ARHGEF10L: variants seen among roughly 807,000 people sequenced by gnomAD.
ARHGEF10L encodes rho guanine nucleotide exchange factor 10-like protein.
ARHGEF10L carries 69 observed loss-of-function variants against 141.2 expected under a neutral mutation model. The ratio of observed to expected loss-of-function variants is 0.49; its 90% CI spans 0.40 to 0.60. ARHGEF10L has a LOEUF of 0.60. Among genes scored for constraint, ARHGEF10L ranks in the 20% least tolerant of loss-of-function variants. ARHGEF10L has a pLI of 0.00. For synonymous variants in ARHGEF10L, 711 were observed against 718.5 expected (o/e 0.99, Z 0.17); for missense variants, 1,482 against 1,734.3 (o/e 0.85, Z 2.58).
intron 1 of ARHGEF10L, among the ~76,000 whole-genome samples, chr1:17,542,444 G>T (rs2076764610): frequency 2.0e-5 from 3 of 152,198 alleles, no homozygotes; most frequent in Admixed American, 6.5e-5. Context: ...GGGAGACCCT[G>T]TCTTAATTAT....
chr1:17,624,129 G>T (rs893059780), intron 12 of ARHGEF10L, among the ~76,000 whole-genome samples: 19 of 152,184 alleles, frequency 1.2e-4, no homozygotes, highest in African/African-American at 4.1e-4. Context: ...GGAGGCGAAG[G>T]TCCCCTGGGC....
At chr1:17,686,595 G>T (rs552725916) in intron 26 of ARHGEF10L, among the ~76,000 whole-genome samples, 98 of 152,152 alleles carry the variant, frequency 6.4e-4, no homozygotes, top group Non-Finnish European at 1.0e-3. Context: ...AGGACAGTTC[G>T]GGGGGGCAGT....
chr1:17,656,123 G>A lies in ARHGEF10L; in HGVS notation c.2705+21G>A. Reference sequence around the variant, plus strand: ...GGCAGGTGAGGGGCCCGGAAGGAGGGGTGAGAGCAGCCTCTGCAGGGCTGG... The same window carrying A: ...GGCAGGTGAGGGGCCCGGAAGGAGGAGTGAGAGCAGCCTCTGCAGGGCTGG... On this transcript the variant is annotated intron_variant, in intron 24 of 28. Transcript: ENST00000361221. This position sits in a 1 kb window ranked among gnomAD's most constrained non-coding sequence, Gnocchi z 4.9. 1.3e-6 allele frequency: 2 copies of A among 1,548,632 alleles called. No individual in the cohort carries two copies. The highest frequency in any genetic ancestry group is 2.4e-5 in the South Asian group (2 of 83,966).
chr1:17,653,438 C>A (rs1333769283), intron 22 of ARHGEF10L, among the ~76,000 whole-genome samples: 1 of 152,218 alleles, frequency 6.6e-6, no homozygotes, highest in African/African-American at 2.4e-5. Context: ...GACATCAGGG[C>A]CCACTGGAGT....
intron 4 of ARHGEF10L, among the ~76,000 whole-genome samples, chr1:17,599,949 C>T (rs992328285): frequency 2.0e-5 from 3 of 152,226 alleles, no homozygotes; most frequent in African/African-American, 2.4e-5. Context: ...TCAATAGCCA[C>T]GTGGCTGGTG....
chr1:17,557,596 G>A (rs1367286104), intron 1 of ARHGEF10L, among the ~76,000 whole-genome samples: 1 of 152,134 alleles, frequency 6.6e-6, no homozygotes, highest in African/African-American at 2.4e-5. Context: ...AGCAGATCTC[G>A]GCTGGGACCG....
At chr1:17,534,591 A>AT in the ARHGEF10L span, among the ~76,000 whole-genome samples, 5,813 of 125,016 alleles carry the variant, frequency 0.046, 312 homozygotes, top group African/African-American at 0.14. Context: ...CCATTTTCTG[A>AT]TTTTTTTTTT....
In ARHGEF10L at chr1:17,572,878, A is replaced by T. The variant is rs7555665; in HGVS notation, c.-43-7675A>T. ...GGGTCACAGATTCCCCAAAGGTTGT[A>T]CCTCAGCTTGGCCCCCTGGAGGCTT... On this transcript the variant is annotated intron_variant, in intron 1 of 28. Coordinates refer to ENST00000361221, the MANE Select transcript of ARHGEF10L (RefSeq NM_018125.4). Among the ~76,000 whole-genome samples, 488 of 151,970 alleles carry T rather than the reference A, an allele frequency of 3.2e-3. 2 individuals are homozygous for T. The highest frequency in any genetic ancestry group is 0.011 in the African/African-American group (450 of 41,460).
At chr1:17,642,349 G>A (rs1460421188) in intron 21 of ARHGEF10L, among the ~76,000 whole-genome samples, 1 of 152,224 alleles carries the variant, frequency 6.6e-6, no homozygotes, top group East Asian at 1.9e-4. Flanking sequence ...AGCCCAGAGT[G>A]GCCAGCACTG....
intron 25 of ARHGEF10L, among the ~76,000 whole-genome samples, chr1:17,658,571 G>C (rs191528533): frequency 5.9e-5 from 9 of 152,242 alleles, no homozygotes; most frequent in African/African-American, 2.2e-4. Flanking sequence ...GGGTCTGAAG[G>C]CTGAGATGTT....
At chr1:17,674,143 TTC>T (rs1278992666) in intron 26 of ARHGEF10L, among the ~76,000 whole-genome samples, 1 of 152,188 alleles carries the variant, frequency 6.6e-6, no homozygotes. Flanking sequence ...TTGACTTGGC[TTC>T]TCTCTCTCCT....
intron 26 of ARHGEF10L, among the ~76,000 whole-genome samples, chr1:17,664,892 G>T (rs955415585): frequency 6.6e-6 from 1 of 152,192 alleles, no homozygotes; most frequent in Non-Finnish European, 1.5e-5. Context: ...CCTGTCCTTG[G>T]ACTGGTACCC....
intron 27 of ARHGEF10L, chr1:17,694,467 C>T (rs944428270): frequency 8.3e-5 from 15 of 180,470 alleles, no homozygotes; most frequent in Non-Finnish European, 1.3e-4. Flanking sequence ...CCTGCCCCCA[C>T]GCCCTCTCTG....
chr1:17,570,488 G>A (rs1348725908), intron 1 of ARHGEF10L, among the ~76,000 whole-genome samples: 2 of 151,966 alleles, frequency 1.3e-5, no homozygotes, highest in Admixed American at 6.6e-5. Context: ...GAGCTGGAAG[G>A]TGGTGGTGAC....
intron 2 of ARHGEF10L, among the ~76,000 whole-genome samples, chr1:17,581,386 A>T (rs887112712): frequency 6.6e-5 from 10 of 151,376 alleles, no homozygotes; most frequent in African/African-American, 2.4e-4. Context: ...TTCGTCGTTT[A>T]TCTGAAATTC....
intron 4 of ARHGEF10L, among the ~76,000 whole-genome samples, chr1:17,590,804 T>C (rs1220771731): frequency 6.6e-6 from 1 of 152,124 alleles, no homozygotes; most frequent in Non-Finnish European, 1.5e-5. Flanking sequence ...CTGGCCAACA[T>C]GGTGAAACCC....
In ARHGEF10L at chr1:17,623,896, G is replaced by C. The variant is rs1206668348; in HGVS notation, c.1201-491G>C. Among the ~76,000 whole-genome samples the C allele has an allele frequency of 6.6e-6, 1 of 152,164 alleles. No individual in the cohort carries two copies. Among genetic ancestry groups the C allele is most frequent in the Non-Finnish European group, 1.5e-5 (1 of 68,036 alleles). ...CTGATGTTCTGGGTGTATATCAAGG[G>C]GCTCTGGAGAGAGAGTTGATTGACT... On this transcript the variant is annotated intron_variant, in intron 12 of 28. Coordinates refer to ENST00000361221, the MANE Select transcript of ARHGEF10L (RefSeq NM_018125.4). This position sits in a 1 kb window ranked among gnomAD's most constrained non-coding sequence, Gnocchi z 4.7.
chr1:17,605,397 C>A (rs142057876), intron 6 of ARHGEF10L, among the ~76,000 whole-genome samples: 1 of 152,092 alleles, frequency 6.6e-6, no homozygotes, highest in African/African-American at 2.4e-5. Context: ...AGGGTGGTAG[C>A]GTAGATTCCA....
At chr1:17,515,100 C>T in the ARHGEF10L span, among the ~76,000 whole-genome samples, 9 of 152,014 alleles carry the variant, frequency 5.9e-5, no homozygotes, top group East Asian at 1.2e-3. Flanking sequence ...AAAGTTGGTG[C>T]GGGAATCACA....
Sources: allele counts gnomAD v4.1 joint callset (sites outside exome capture counted in the v4.1 genomes callset), GRCh38; gene constraint gnomAD v4.1.1; non-coding constraint Gnocchi (gnomAD v3.1); transcripts MANE v1.5; gene names NCBI Gene and HGNC (gene_info 2026-07-23, HGNC 2026-07-21).